LIPI: variants seen among roughly 807,000 people sequenced by gnomAD.
The protein encoded by LIPI is lipase I.
LIPI carries 59 observed loss-of-function variants against 50.6 expected under a neutral mutation model. That is an observed-to-expected ratio of 1.16 (90% CI 0.94 to 1.45). LIPI has a LOEUF of 1.45. Ranked by LOEUF, LIPI falls within the 40% of genes most tolerant of loss-of-function variation. The pLI is 0.00. For synonymous variants in LIPI, 203 were observed against 178.2 expected, an observed-to-expected ratio of 1.14 and a Z score of -1.11; for missense variants, 586 against 536.3, an observed-to-expected ratio of 1.09 and a Z score of -0.92.
chr21:14,154,435 T>A (rs1299853391), intron 7 of LIPI, among the ~76,000 whole-genome samples: 1 of 151,956 alleles, frequency 6.6e-6, no homozygotes, highest in Non-Finnish European at 1.5e-5. Context: ...ACTACTAGGA[T>A]ATACTTCAGC....
At chr21:14,207,843 G>A (rs557836366) in intron 1 of LIPI, among the ~76,000 whole-genome samples, 7 of 152,228 alleles carry the variant, frequency 4.6e-5, no homozygotes, top group African/African-American at 1.2e-4. Context: ...TGCTTTCTAC[G>A]TGACCAAATC....
chr21:14,165,383 T>A lies in LIPI; in HGVS notation c.741A>T (p.Gln247His), dbSNP rs750775979. ...CTCTCTGGTGGTTGCATTTAATGAA[T>A]TGAATTCCTTAAGGGTTAAAAAAAA... ...GCPKSIFSGI[Q>H]FIKCNHQRAV... The change falls in exon 6 of 10, where the codon CAA becomes CAT. Residue 247 changes from glutamine (Q) to histidine (H), a missense_variant. Transcript: ENST00000681601. 2.5e-6 allele frequency: 4 copies of A among 1,610,282 alleles called. No individual in the cohort carries two copies. The South Asian group carries it at 4.4e-5, about 18-fold the overall frequency.
intron 1 of LIPI, among the ~76,000 whole-genome samples, chr21:14,207,357 T>C (rs111240817): frequency 1.3e-5 from 2 of 152,202 alleles, no homozygotes. Flanking sequence ...AATACACTAA[T>C]TACTTTGATA....
chr21:14,180,554 A>G (rs1356449432), intron 4 of LIPI, among the ~76,000 whole-genome samples: 5 of 152,222 alleles, frequency 3.3e-5, no homozygotes, highest in African/African-American at 1.2e-4. Flanking sequence ...CCAATAAGTT[A>G]GAGTTTCAGA....
At chr21:14,121,040 G>A (rs2155971) in intron 9 of LIPI, among the ~76,000 whole-genome samples, 50,292 of 152,042 alleles carry the variant, frequency 0.33, 8,455 homozygotes, top group East Asian at 0.45. Flanking sequence ...GCTGGAGGCT[G>A]TCAGTACATA....
intron 9 of LIPI, among the ~76,000 whole-genome samples, chr21:14,135,858 CCT>C (rs1347110327): frequency 6.6e-6 from 1 of 152,136 alleles, no homozygotes; most frequent in Non-Finnish European, 1.5e-5. Flanking sequence ...TTACCCCTTC[CCT>C]AACCTCAGGC....
At chr21:14,142,253 G>A (rs1361045965) in intron 9 of LIPI, among the ~76,000 whole-genome samples, 1 of 151,934 alleles carries the variant, frequency 6.6e-6, no homozygotes, top group Non-Finnish European at 1.5e-5. Context: ...CATCGTACAT[G>A]TATACCTATG....
chr21:14,146,339 T>A (rs1242294472), intron 8 of LIPI, among the ~76,000 whole-genome samples: 2 of 152,056 alleles, frequency 1.3e-5, no homozygotes, highest in Non-Finnish European at 2.9e-5. Context: ...GAGTATTAAA[T>A]GGCATCACCA....
intron 9 of LIPI, among the ~76,000 whole-genome samples, chr21:14,126,585 T>C (rs551890328): frequency 1.3e-5 from 2 of 152,298 alleles, no homozygotes; most frequent in East Asian, 3.9e-4. Context: ...TCCTTGTCAT[T>C]ATCCCCTAAA....
chr21:14,192,476 GAAAC>G (rs971277585), intron 1 of LIPI, among the ~76,000 whole-genome samples: 1 of 151,766 alleles, frequency 6.6e-6, no homozygotes, highest in Non-Finnish European at 1.5e-5. Context: ...AACAAACAAA[GAAAC>G]AAACAACAAC....
At position 14,201,482 on chromosome 21, in the gene LIPI, CCA is replaced by C. The variant is rs531640241; in HGVS notation, c.46+9316_46+9317del. Among the ~76,000 whole-genome samples the C allele has an allele frequency of 5.0e-3, 756 of 152,146 alleles. 4 individuals are homozygous for C. Among genetic ancestry groups the C allele is most frequent in the Non-Finnish European group, 8.3e-3 (564 of 67,958 alleles). On this transcript the variant is annotated intron_variant, in intron 1 of 9. Coordinates refer to ENST00000681601, the MANE Select transcript of LIPI (RefSeq NM_001302998.2). ...GACATGAGCACATCAAGAAGCTTATCCACCATGATCAAGTGGGCTTCATCCCT... is the reference window on the plus strand; with the variant it reads ...GACATGAGCACATCAAGAAGCTTATCCCATGATCAAGTGGGCTTCATCCCT...
intron 2 of LIPI, 105 bp downstream of exon 2, chr21:14,188,929 A>G: frequency 1.0e-6 from 1 of 970,302 alleles, no homozygotes; most frequent in Non-Finnish European, 1.6e-6. Flanking sequence ...GGAAAAGTAT[A>G]TAGTTTATTA....
At chr21:14,172,367 G>A (rs181128511) in intron 4 of LIPI, among the ~76,000 whole-genome samples, 2 of 152,186 alleles carry the variant, frequency 1.3e-5, no homozygotes, top group African/African-American at 2.4e-5. Flanking sequence ...CCATTACTGG[G>A]TATATACCCA....
chr21:14,193,538 T>A (rs2019747094), intron 1 of LIPI, among the ~76,000 whole-genome samples: 1 of 152,036 alleles, frequency 6.6e-6, no homozygotes, highest in Admixed American at 6.6e-5. Context: ...GGCTGAAACT[T>A]AAAGAATGTA....
At chr21:14,195,658 A>C (rs1035094955) in intron 1 of LIPI, among the ~76,000 whole-genome samples, 2 of 152,218 alleles carry the variant, frequency 1.3e-5, no homozygotes, top group Admixed American at 6.5e-5. Context: ...GGGCTTTTAC[A>C]TAATAATACA....
chr21:14,159,936 A>T (rs2018404328), intron 7 of LIPI, among the ~76,000 whole-genome samples: 1 of 151,346 alleles, frequency 6.6e-6, no homozygotes, highest in African/African-American at 2.4e-5. Context: ...GATGCACAGG[A>T]TCTGTATGTT....
rs538333692 is a variant in LIPI at position 14,166,858 on chromosome 21, G to A, written c.644-407C>T. On this transcript the variant is annotated intron_variant, in intron 4 of 9. Coordinates refer to ENST00000681601, the MANE Select transcript of LIPI (RefSeq NM_001302998.2). The stretch of plus-strand genomic sequence containing the variant: ...TCTCACTAGGGAGTGCCAGACAGTG[G>A]GCGGAGGAAAGTGGGTGCAGCGCAC... 1.5e-4 allele frequency among the ~76,000 whole-genome samples: 23 copies of A among 152,308 alleles called. 1 individual carries two copies. The South Asian group carries it at 3.1e-3, about 21-fold the overall frequency.
chr21:14,148,557 T>C (rs1273241181), intron 8 of LIPI, among the ~76,000 whole-genome samples: 1 of 152,174 alleles, frequency 6.6e-6, no homozygotes, highest in African/African-American at 2.4e-5. Flanking sequence ...ATATTTACCA[T>C]TGTGTTACAA....
Position 14,152,617 on chromosome 21 carries a change from T to A in LIPI, c.1074A>T (p.Lys358Asn). 6.3e-7 allele frequency: 1 copy of A among 1,590,834 alleles called. No homozygotes were observed. Among genetic ancestry groups the A allele is most frequent in the Non-Finnish European group, 8.6e-7 (1 of 1,160,180 alleles). The change falls in exon 8 of 10, where the codon AAA becomes AAT. Residue 358 changes from lysine to asparagine, a missense_variant. Transcript: ENST00000681601. ...CAATCATTCCAAGCTGATTTAATAA[T>A]TTAAATGAAAACGAGCCATCCATCA... ...KTMMDGSFSF[K>N]LLNQLGMIEE... is the part of the protein sequence containing the mutation.
Sources: gnomAD v4.1 joint callset for allele counts (sites outside exome capture counted in the v4.1 genomes callset) on GRCh38, gnomAD v4.1.1 for gene constraint, MANE v1.5 for transcripts, NCBI Gene and HGNC (gene_info 2026-07-23, HGNC 2026-07-21) for gene names.